The following TMEM65 variants were observed in gnomAD, a reference collection of about 807,000 sequenced individuals.
TMEM65 encodes the protein transmembrane protein 65.
A neutral mutation model predicts 25.4 loss-of-function variants in TMEM65; 22 were observed. That is an observed-to-expected ratio of 0.86 (90% CI 0.62 to 1.23). The LOEUF is 1.23. Among genes scored for constraint, TMEM65 ranks in the 50% most tolerant of loss-of-function variants. TMEM65 has a pLI of 0.00. For missense variants in TMEM65, 262 were observed against 308.2 expected, an observed-to-expected ratio of 0.85 and a Z score of 1.12; for synonymous variants, 132 against 126.2, an observed-to-expected ratio of 1.05 and a Z score of -0.31.
intron 1 of TMEM65, among the ~76,000 whole-genome samples, chr8:124,345,785 C>A (rs1259837251): frequency 6.6e-6 from 1 of 151,078 alleles, no homozygotes; most frequent in Non-Finnish European, 1.5e-5. Context: ...GTTCTGTCAC[C>A]CAGGCTGGAG....
In TMEM65 at chr8:124,327,411, G is replaced by A. The variant is rs1180724885; in HGVS notation, c.360C>T (p.His120=). Reference sequence around the variant, plus strand: ...CAAACCCTATGAAAGGTATCGCATTGTGGATGAATACTGAAAAACATCAAA... The same window carrying A: ...CAAACCCTATGAAAGGTATCGCATTATGGATGAATACTGAAAAACATCAAA... ...TPGQLRYVFI[H]NAIPFIGFGF... Residue 120 remains histidine, a synonymous_variant, in exon 3 of 7, where the codon CAC becomes CAT. Coordinates refer to ENST00000297632, the MANE Select transcript of TMEM65 (RefSeq NM_194291.3). 5 of 1,593,074 alleles carry A rather than the reference G, an allele frequency of 3.1e-6. No homozygotes were observed. The highest frequency in any genetic ancestry group is 4.3e-6 in the Non-Finnish European group (5 of 1,170,680).
rs931357965 is a variant in TMEM65, at chr8:124,306,696, C to A, written c.*7264G>T. 4 of 152,174 alleles carry A rather than the reference C, an allele frequency of 2.6e-5. No individual in the cohort carries two copies. Among genetic ancestry groups the A allele is most frequent in the African/African-American group, 9.7e-5 (4 of 41,414 alleles). The allele number at this position is 152,174 out of a possible 1,614,324, so 9.4% of individuals were successfully genotyped here. Reference sequence around the variant, plus strand: ...GGGCGCAGTGGCTCACGCCTGTAATCCCAACACTTCAGGAGGCCGAGGCAG... The same window carrying A: ...GGGCGCAGTGGCTCACGCCTGTAATACCAACACTTCAGGAGGCCGAGGCAG... On this transcript the variant is annotated 3_prime_UTR_variant, in exon 7 of 7. Coordinates refer to ENST00000297632, the MANE Select transcript of TMEM65 (RefSeq NM_194291.3).
At chr8:124,357,363 T>C (rs1408867912) in intron 1 of TMEM65, among the ~76,000 whole-genome samples, 1 of 152,208 alleles carries the variant, frequency 6.6e-6, no homozygotes, top group Non-Finnish European at 1.5e-5. Flanking sequence ...AGAGCTTTCC[T>C]ATAGGTTAAA....
chr8:124,313,482 T>C lies in TMEM65; in HGVS notation c.*478A>G, dbSNP rs1401837486. The C allele has an allele frequency of 2.0e-5, 3 of 152,262 alleles. No homozygotes were observed. The highest frequency in any genetic ancestry group is 4.8e-5 in the African/African-American group (2 of 41,436). The allele number at this position is 152,262 out of a possible 1,614,324, so 9.4% of individuals were successfully genotyped here. ...CTGAAATTATATTATTATAAATGTT[T>C]ACTGCATAACAGTACAAAATTGATG... On this transcript the variant is annotated 3_prime_UTR_variant, in exon 7 of 7. Coordinates refer to ENST00000297632, the MANE Select transcript of TMEM65 (RefSeq NM_194291.3).
chr8:124,329,986 A>C (rs561412394), intron 2 of TMEM65, among the ~76,000 whole-genome samples: 1 of 152,036 alleles, frequency 6.6e-6, no homozygotes, highest in Non-Finnish European at 1.5e-5. Context: ...CAGAGAAAAA[A>C]TAACTGGCCA....
chr8:124,369,681 T>C (rs183505861), intron 1 of TMEM65, among the ~76,000 whole-genome samples: 30 of 152,338 alleles, frequency 2.0e-4, no homozygotes, highest in Admixed American at 1.9e-3. Context: ...AGCAATGGAA[T>C]GAGCTGTACG....
intron 1 of TMEM65, among the ~76,000 whole-genome samples, chr8:124,371,275 T>C (rs1450198908): frequency 6.6e-6 from 1 of 152,248 alleles, no homozygotes; most frequent in Admixed American, 6.5e-5. Context: ...ATGTTTCCTT[T>C]GGCTGCTGAA....
chr8:124,370,530 A>T (rs1334433381), intron 1 of TMEM65, among the ~76,000 whole-genome samples: 1 of 152,242 alleles, frequency 6.6e-6, no homozygotes, highest in Non-Finnish European at 1.5e-5. Context: ...TACACATTGA[A>T]TAACGGAATT....
intron 1 of TMEM65, among the ~76,000 whole-genome samples, chr8:124,366,116 G>A (rs1290151853): frequency 6.6e-6 from 1 of 152,160 alleles, no homozygotes; most frequent in Admixed American, 6.5e-5. Context: ...AGCTACTCAG[G>A]GAGGCTGAAG....
intron 1 of TMEM65, among the ~76,000 whole-genome samples, chr8:124,343,341 T>A (rs28694575): frequency 0.09 from 13,719 of 152,120 alleles, 683 homozygotes; most frequent in African/African-American, 0.13. Context: ...AAACTCTGAC[T>A]TGATTCAGTA....
In TMEM65 at chr8:124,308,434, G is replaced by A. The variant is rs1006894295; in HGVS notation, c.*5526C>T. ...CTGGAAGGATTCCACCACTGATGAT[G>A]CCATTGTTGCTACAGAAGACATGAA... On this transcript the variant is annotated 3_prime_UTR_variant, in exon 7 of 7. Transcript: ENST00000297632. The A allele has an allele frequency of 2.0e-5, 3 of 152,200 alleles. No individual in the cohort carries two copies. Among genetic ancestry groups the A allele is most frequent in the Admixed American group, 6.5e-5 (1 of 15,274 alleles). 9.4% of individuals were successfully genotyped at this position (152,200 alleles called of 1,614,324 possible). A position where few individuals can be genotyped will look rare whatever the true frequency, so the allele number is the denominator to read the frequency against.
rs954161933 is a variant in TMEM65, at chr8:124,334,259, C to A, written c.305-3467G>T. ...GAAAAAGAAAAATGTGACCCATTTT[C>A]AGAAGACAATACAGACCAATCCCAA... On this transcript the variant is annotated intron_variant, in intron 1 of 6. Transcript: ENST00000297632. Among the ~76,000 whole-genome samples, 54 of 152,052 alleles carry A rather than the reference C, an allele frequency of 3.6e-4. 1 individual carries two copies. Among genetic ancestry groups the A allele is most frequent in the Non-Finnish European group, 5.9e-4 (40 of 68,006 alleles).
intron 4 of TMEM65, 60 bp downstream of exon 4, chr8:124,323,261 A>T (rs1814327607): frequency 1.1e-6 from 1 of 938,668 alleles, no homozygotes. Context: ...TCTAAACTTA[A>T]TCTACTGAAA....
intron 1 of TMEM65, among the ~76,000 whole-genome samples, chr8:124,362,602 C>T (rs758151605): frequency 4.7e-5 from 6 of 128,402 alleles, no homozygotes; most frequent in African/African-American, 9.1e-5. Flanking sequence ...GTGGAGGTTG[C>T]AGTGAGCCAA....
Position 124,358,813 on chromosome 8 carries a change from G to A in TMEM65, c.304+13041C>T, listed in dbSNP as rs919970605. On this transcript the variant is annotated intron_variant, in intron 1 of 6. Transcript: ENST00000297632. ...CTCCCAGCAACCCCCAGAAACAAGCGGCCAAGTGAGGTACCCACAGGATCC... is the reference window on the plus strand; with the variant it reads ...CTCCCAGCAACCCCCAGAAACAAGCAGCCAAGTGAGGTACCCACAGGATCC... Among the ~76,000 whole-genome samples the A allele has an allele frequency of 3.3e-5, 5 of 152,170 alleles. No individual in the cohort carries two copies. The East Asian group carries it at 5.8e-4, about 18-fold the overall frequency.
chr8:124,325,676 A>G (rs1338355136), intron 3 of TMEM65, among the ~76,000 whole-genome samples: 1 of 151,996 alleles, frequency 6.6e-6, no homozygotes, highest in East Asian at 1.9e-4. Context: ...GCCTGGAAAA[A>G]TAGTGCACTC....
intron 1 of TMEM65, among the ~76,000 whole-genome samples, chr8:124,358,694 AC>A (rs1473045062): frequency 2.0e-5 from 3 of 152,110 alleles, no homozygotes; most frequent in African/African-American, 7.2e-5. Context: ...GGGCTGCCCA[AC>A]TCTTAAATCA....
intron 1 of TMEM65, among the ~76,000 whole-genome samples, chr8:124,338,091 G>T (rs1055229288): frequency 1.3e-5 from 2 of 151,896 alleles, no homozygotes; most frequent in Non-Finnish European, 2.9e-5. Flanking sequence ...ATGTTTTGAC[G>T]TATTGTCCTT....
intron 1 of TMEM65, among the ~76,000 whole-genome samples, chr8:124,357,830 T>TA (rs1814804970): frequency 1.8e-4 from 1 of 5,508 alleles, no homozygotes; most frequent in African/African-American, 3.5e-4. Context: ...CTTTTTTATC[T>TA]TTTTTTTTTT....
Sources: allele counts gnomAD v4.1 joint callset (sites outside exome capture counted in the v4.1 genomes callset), GRCh38; gene constraint gnomAD v4.1.1; transcripts MANE v1.5; gene names NCBI Gene and HGNC (gene_info 2026-07-23, HGNC 2026-07-21).